Variants in ZNF425 observed in about 807,000 individuals in gnomAD.
The protein encoded by ZNF425 is zinc finger protein 425.
In ZNF425, 21 loss-of-function variants were observed where a neutral mutation model predicts 17.0. That is an observed-to-expected ratio of 1.23 (90% CI 0.88 to 1.78). ZNF425 has a LOEUF of 1.78. Among genes scored for constraint, ZNF425 ranks in the 40% most tolerant of loss-of-function variants. The pLI is 0.00. For synonymous variants in ZNF425, 433 were observed against 384.1 expected, an observed-to-expected ratio of 1.13 and a Z score of -1.49; for missense variants, 868 against 967.3, an observed-to-expected ratio of 0.90 and a Z score of 1.36.
chr7:149,112,462 G>A lies in ZNF425; in HGVS notation c.146-167C>T, dbSNP rs77424464. The stretch of plus-strand genomic sequence containing the variant: ...CAGCCTGGCCAACACAGCAAACTCC[G>A]TCTCTACTAAAATTACAAAAATTAG... On this transcript the variant is annotated intron_variant, in intron 2 of 3. Transcript: ENST00000378061. 5.9e-3 allele frequency: 3,343 copies of A among 564,000 alleles called. 102 individuals are homozygous for A. Among genetic ancestry groups the A allele is most frequent in the African/African-American group, 0.058 (3,041 of 52,506 alleles). The allele number at this position is 564,000 out of a possible 1,614,324, so 34.9% of individuals were successfully genotyped here. A position where few individuals can be genotyped will look rare whatever the true frequency, so the allele number is the denominator to read the frequency against.
rs745376331 is a variant in ZNF425, at chr7:149,104,557, C to T, written c.1314G>A (p.Gly438=). 5.5e-5 allele frequency: 89 copies of T among 1,612,976 alleles called. No homozygotes were observed. The highest frequency in any genetic ancestry group is 7.1e-5 in the Non-Finnish European group (84 of 1,179,710). ...ACTCCGGGCACTGGAAGGGCCGCTT[C>T]CCAATGTGCTGCAGCCCGTGGGCTT... ...SLKAHGLQHI[G]KRPFQCPECS... The change falls in exon 4 of 4, where the codon GGG becomes GGA. Residue 438 remains glycine (G), a synonymous_variant. Coordinates refer to ENST00000378061, the MANE Select transcript of ZNF425 (RefSeq NM_001001661.3). This position sits in a 1 kb window ranked among gnomAD's most constrained non-coding sequence, Gnocchi z 4.3.
intron 1 of ZNF425, chr7:149,125,967 C>T: frequency 1.2e-6 from 1 of 858,296 alleles, no homozygotes; most frequent in Non-Finnish European, 1.8e-6. Context: ...GGGCCACAGA[C>T]GCGCGCGGCC....
intron 1 of ZNF425, chr7:149,125,702 C>G (rs1282631152): frequency 5.2e-6 from 1 of 193,262 alleles, no homozygotes; most frequent in Admixed American, 6.0e-5. Context: ...CAGACGGGGT[C>G]TGGCTGTTGC....
chr7:149,115,685 G>A (rs549472010), intron 2 of ZNF425, among the ~76,000 whole-genome samples: 18 of 135,256 alleles, frequency 1.3e-4, no homozygotes, highest in Admixed American at 3.6e-4. Context: ...GCGAGACTCC[G>A]TCAAAAAAAA....
Position 149,104,506 on chromosome 7 carries a change from G to C in ZNF425, c.1365C>G (p.Asn455Lys). 1 of 1,598,670 alleles carries C rather than the reference G, an allele frequency of 6.3e-7. No individual in the cohort carries two copies. Among genetic ancestry groups the C allele is most frequent in the South Asian group, 1.1e-5 (1 of 88,798 alleles). The change falls in exon 4 of 4, where the codon AAC (asparagine) becomes AAG (lysine). Residue 455 changes from asparagine to lysine, a missense_variant. Physicochemically the swap from Asn to Lys is moderately conservative, Grantham distance 94. Around this residue, in one of 5 missense-constraint regions of ZNF425, gnomAD observed 437 missense variants for 444.2 expected, o/e 0.98. Transcript: ENST00000378061. The surrounding 1 kb of genome is among the most constrained non-coding windows in gnomAD (Gnocchi z 4.3). ...GCAGGCGCTGGTGGGCGCGCATGGC[G>C]TTCCTCCAGAAGAAGCCCCTGCTGC... ...PECSRGFFWR[N>K]AMRAHQRLHS...
chr7:149,114,012 TAAA>T (rs35168465), intron 2 of ZNF425, among the ~76,000 whole-genome samples: 5,028 of 120,492 alleles, frequency 0.042, 217 homozygotes, highest in African/African-American at 0.13. Context: ...AGACTCTGTC[TAAA>T]AAAAAAAAAA....
chr7:149,117,250 CA>C (rs57437593), intron 2 of ZNF425, among the ~76,000 whole-genome samples: 11 of 143,540 alleles, frequency 7.7e-5, no homozygotes, highest in South Asian at 2.2e-4. Flanking sequence ...GACTCCGTCT[CA>C]AAAAAAAAAA....
In ZNF425 at chr7:149,103,959, ATGGCTTT is replaced by A. The variant is rs1563144188; in HGVS notation, c.1905_1911del (p.Gln635HisfsTer5). On this transcript the variant is annotated frameshift_variant, in exon 4 of 4. Coordinates refer to ENST00000378061, the MANE Select transcript of ZNF425 (RefSeq NM_001001661.3). LOFTEE classifies it low-confidence loss of function (END_TRUNC). ...CTTTTGCCGCACATCACACAAGAGA[ATGGCTTT>A]TGGCCACTGTGCTGCAGCAGGTGGC... is the stretch of plus-strand genomic sequence containing the variant. 6.2e-7 allele frequency: 1 copy of A among 1,614,106 alleles called. No individual in the cohort carries two copies. The highest frequency in any genetic ancestry group is 1.1e-5 in the South Asian group (1 of 91,082).
rs762030020 is a variant in ZNF425 at position 149,104,513 on chromosome 7, CAGA to C, written c.1355_1357del (p.Phe452del). The C allele has an allele frequency of 1.3e-5, 21 of 1,600,812 alleles. No individual in the cohort carries two copies. Among genetic ancestry groups the C allele is most frequent in the African/African-American group, 4.0e-5 (3 of 74,348 alleles). Reference sequence around the variant, plus strand: ...CTGGTGGGCGCGCATGGCGTTCCTCCAGAAGAAGCCCCTGCTGCACTCCGGGCA... The same window carrying C: ...CTGGTGGGCGCGCATGGCGTTCCTCCAGAAGCCCCTGCTGCACTCCGGGCA... On this transcript the variant is annotated inframe_deletion, in exon 4 of 4. Transcript: ENST00000378061. The surrounding 1 kb of genome is among the most constrained non-coding windows in gnomAD (Gnocchi z 4.3).
At position 149,103,971 on chromosome 7, in the gene ZNF425, C is replaced by T. The variant is rs756132300; in HGVS notation, c.1900G>A (p.Gly634Ser). The T allele has an allele frequency of 6.2e-7, 1 of 1,613,968 alleles. No individual in the cohort carries two copies. The highest frequency in any genetic ancestry group is 8.5e-7 in the Non-Finnish European group (1 of 1,179,876). ...NLKSHLLQHS[G>S]QKPFSCVMCG... ...ATCACACAAGAGAATGGCTTTTGGC[C>T]ACTGTGCTGCAGCAGGTGGCTTTTC... The change falls in exon 4 of 4, where the codon GGC (glycine) becomes AGC (serine). Residue 634 changes from glycine (G) to serine (S), a missense_variant. Physicochemically the swap from Gly to Ser is moderately conservative, Grantham distance 56. This residue lies in a region of ZNF425 where 437 missense variants were observed against 444.2 expected (regional missense o/e 0.98). Transcript: ENST00000378061.
Position 149,126,316 on chromosome 7 carries a change from G to C in ZNF425, c.-103C>G. Reference sequence around the variant, plus strand: ...CTGCTGGCCCCCAAAGGCAGAGCCGGCCGGGCGCGGTGCATGCTGGGACTC... The same window carrying C: ...CTGCTGGCCCCCAAAGGCAGAGCCGCCCGGGCGCGGTGCATGCTGGGACTC... On this transcript the variant is annotated 5_prime_UTR_variant, in exon 1 of 4. Coordinates refer to ENST00000378061, the MANE Select transcript of ZNF425 (RefSeq NM_001001661.3). 6.7e-7 allele frequency: 1 copy of C among 1,484,662 alleles called. No individual in the cohort carries two copies. The highest frequency in any genetic ancestry group is 9.0e-7 in the Non-Finnish European group (1 of 1,115,784). 92.0% of individuals were successfully genotyped at this position (1,484,662 alleles called of 1,614,324 possible).
rs558523503 is a variant in ZNF425 at position 149,113,087 on chromosome 7, C to T, written c.146-792G>A. 4.0e-5 allele frequency among the ~76,000 whole-genome samples: 6 copies of T among 150,972 alleles called. No homozygotes were observed. The East Asian group carries it at 1.2e-3, about 30-fold the overall frequency. On this transcript the variant is annotated intron_variant, in intron 2 of 3. Coordinates refer to ENST00000378061, the MANE Select transcript of ZNF425 (RefSeq NM_001001661.3). The stretch of plus-strand genomic sequence containing the variant: ...CACCTCCCAGGTTCAACCAATTCTC[C>T]TGCCTCAGCCTCCCGAGTAGCTGGG...
At chr7:149,124,734 T>G (rs979239955) in intron 1 of ZNF425, among the ~76,000 whole-genome samples, 1 of 151,542 alleles carries the variant, frequency 6.6e-6, no homozygotes, top group Non-Finnish European at 1.5e-5. Flanking sequence ...AGAGACGGGC[T>G]TTCTCCATGT....
chr7:149,105,925 G>A (rs7811017), intron 3 of ZNF425, among the ~76,000 whole-genome samples: 81,830 of 146,600 alleles, frequency 0.56, 25,730 homozygotes, highest in East Asian at 0.9. Context: ...GTGAGCCACC[G>A]CGCTTGGCCT....
intron 1 of ZNF425, chr7:149,125,823 C>T (rs1826455978): frequency 2.5e-6 from 1 of 396,668 alleles, no homozygotes; most frequent in African/African-American, 2.1e-5. Context: ...CCTGGGGAAC[C>T]TGGTGGTCCC....
chr7:149,120,628 A>C (rs919572724), intron 1 of ZNF425, among the ~76,000 whole-genome samples: 3 of 152,196 alleles, frequency 2.0e-5, no homozygotes, highest in Non-Finnish European at 4.4e-5. Flanking sequence ...ATTGTGTTAC[A>C]ACTGCCTACG....
At position 149,104,485 on chromosome 7, in the gene ZNF425, G is replaced by T. The variant is rs1418284167; in HGVS notation, c.1386C>A (p.Arg462=). 1.7e-5 allele frequency: 27 copies of T among 1,596,034 alleles called. No homozygotes were observed. The highest frequency in any genetic ancestry group is 2.3e-5 in the Non-Finnish European group (27 of 1,172,804). The change falls in exon 4 of 4, where the codon CGC becomes CGA. Residue 462 remains arginine, a synonymous_variant. Transcript: ENST00000378061. The surrounding 1 kb of genome is among the most constrained non-coding windows in gnomAD (Gnocchi z 4.3). ...GGAAGGGCTTTTGCTCGCTGTGCAG[G>T]CGCTGGTGGGCGCGCATGGCGTTCC... ...FWRNAMRAHQ[R]LHSEQKPFPC...
chr7:149,123,783 C>T (rs1826400635), intron 1 of ZNF425, among the ~76,000 whole-genome samples: 1 of 151,342 alleles, frequency 6.6e-6, no homozygotes. Context: ...CCGCCCGCCT[C>T]GGCCTCCCAA....
At chr7:149,114,585 G>A (rs543876585) in intron 2 of ZNF425, among the ~76,000 whole-genome samples, 213 of 151,614 alleles carry the variant, frequency 1.4e-3, no homozygotes, top group Non-Finnish European at 2.5e-3. Context: ...TTTTAGTAGC[G>A]ATGGGGTTTC....
Sources: allele counts gnomAD v4.1 joint callset (sites outside exome capture counted in the v4.1 genomes callset), GRCh38; gene constraint gnomAD v4.1.1; regional missense constraint gnomAD v4.1.1; non-coding constraint Gnocchi (gnomAD v3.1); transcripts MANE v1.5; gene names NCBI Gene and HGNC (gene_info 2026-07-23, HGNC 2026-07-21).